The following PHIP variants were observed in gnomAD, a reference collection of about 807,000 sequenced individuals.
The protein encoded by PHIP is PHIP subunit of CUL4-Ring ligase complex.
A neutral mutation model predicts 236.8 loss-of-function variants in PHIP; 54 were observed. That is an observed-to-expected ratio of 0.23 (90% CI 0.18 to 0.29). The LOEUF (loss-of-function observed/expected upper bound fraction) is 0.29. Among genes scored for constraint, PHIP ranks in the 10% least tolerant of loss-of-function variants. The pLI is 1.00. For synonymous variants in PHIP, 756 were observed against 718.9 expected (o/e 1.05, Z -0.83); for missense variants, 1,370 against 2,190.8 (o/e 0.63, Z 7.48).
At chr6:78,952,720 T>C (rs887185122) in intron 35 of PHIP, among the ~76,000 whole-genome samples, 2 of 152,166 alleles carry the variant, frequency 1.3e-5, no homozygotes, top group African/African-American at 4.8e-5. Flanking sequence ...TACATTTCAT[T>C]TCCAGGATTC....
At chr6:78,947,812 C>A in intron 35 of PHIP, 37 bp from the exon 36 acceptor site, 1 of 1,454,214 alleles carries the variant, frequency 6.9e-7, no homozygotes. Flanking sequence ...ATGATTATTA[C>A]TACACAAAGC....
At chr6:79,031,418 T>C (rs2127752194) in intron 7 of PHIP, among the ~76,000 whole-genome samples, 1 of 152,308 alleles carries the variant, frequency 6.6e-6, no homozygotes, top group Middle Eastern at 3.4e-3. Flanking sequence ...AGGGTTTCTT[T>C]TTAAGTCAAG....
intron 6 of PHIP, among the ~76,000 whole-genome samples, chr6:79,048,197 G>A (rs1772598979): frequency 6.6e-6 from 1 of 151,752 alleles, no homozygotes; most frequent in Admixed American, 6.6e-5. Flanking sequence ...AATTTTGTTG[G>A]AAATGTAAAT....
At chr6:79,051,362 G>C (rs1390327455) in intron 6 of PHIP, among the ~76,000 whole-genome samples, 4 of 152,108 alleles carry the variant, frequency 2.6e-5, no homozygotes, top group Non-Finnish European at 4.4e-5. Context: ...AGATAATCTT[G>C]TAGTCACCTT....
chr6:78,961,390 T>C (rs1177472459), intron 31 of PHIP, among the ~76,000 whole-genome samples: 2 of 152,028 alleles, frequency 1.3e-5, no homozygotes, highest in East Asian at 1.9e-4. Context: ...TAAAATACAA[T>C]ATAAAGACAG....
intron 34 of PHIP, 111 bp downstream of exon 34, chr6:78,955,121 A>G (rs1766329551): frequency 2.0e-5 from 18 of 885,016 alleles, no homozygotes; most frequent in Non-Finnish European, 3.0e-5. Context: ...AATTGAAACT[A>G]ATTTGAAATA....
At chr6:78,967,871 A>G (rs1254342465) in intron 27 of PHIP, among the ~76,000 whole-genome samples, 2 of 152,138 alleles carry the variant, frequency 1.3e-5, no homozygotes, top group African/African-American at 2.4e-5. Context: ...GCGGTGGCTC[A>G]TGCCTGTAAT....
chr6:78,954,987 A>G (rs1331462893), intron 34 of PHIP, 24 bp from the exon 35 acceptor site: 5 of 1,496,350 alleles, frequency 3.3e-6, no homozygotes, highest in African/African-American at 1.4e-5. Flanking sequence ...GTTCAAATAT[A>G]TTAATAAAAG....
chr6:78,968,855 A>G (rs1390342106), intron 27 of PHIP, among the ~76,000 whole-genome samples: 2 of 151,224 alleles, frequency 1.3e-5, no homozygotes, highest in African/African-American at 4.9e-5. Flanking sequence ...CACAAAGACA[A>G]ACTTGTTAGA....
Position 78,936,719 on chromosome 6 carries a change from T to A in PHIP, c.*3974A>T, listed in dbSNP as rs527688166. 1 of 151,896 alleles carries A rather than the reference T, an allele frequency of 6.6e-6. No homozygotes were observed. Among genetic ancestry groups the A allele is most frequent in the South Asian group, 2.1e-4 (1 of 4,822 alleles). The allele number at this position is 151,896 out of a possible 1,614,324, so 9.4% of individuals were successfully genotyped here. ...TCTACTGCAGTGTGTACAAGGTTTATCTCTGGAGCGCCAAAAGTGGTACTT... is the reference window on the plus strand; with the variant it reads ...TCTACTGCAGTGTGTACAAGGTTTAACTCTGGAGCGCCAAAAGTGGTACTT... On this transcript the variant is annotated 3_prime_UTR_variant, in exon 40 of 40. Transcript: ENST00000275034.
chr6:79,015,517 C>T (rs546738180), intron 14 of PHIP, 113 bp downstream of exon 14: 2 of 797,134 alleles, frequency 2.5e-6, no homozygotes, highest in South Asian at 3.7e-5. Context: ...AAAGCCGTTA[C>T]CCCAGCAAGC....
At chr6:79,012,514 G>A (rs1055487153) in intron 15 of PHIP, among the ~76,000 whole-genome samples, 1 of 151,640 alleles carries the variant, frequency 6.6e-6, no homozygotes, top group Non-Finnish European at 1.5e-5. Context: ...CACTATATAT[G>A]ACTAGACCCT....
At chr6:79,034,364 G>A (rs1170333543) in intron 7 of PHIP, among the ~76,000 whole-genome samples, 3 of 152,078 alleles carry the variant, frequency 2.0e-5, no homozygotes, top group East Asian at 1.9e-4. Flanking sequence ...TCTTTATGAC[G>A]TGGCTTTCTA....
At chr6:78,970,014 C>T (rs1243868563) in intron 26 of PHIP, 35 bp downstream of exon 26, 2 of 1,608,826 alleles carry the variant, frequency 1.2e-6, no homozygotes, top group Non-Finnish European at 1.7e-6. Context: ...ATCTACAATA[C>T]TAAGAAAACC....
chr6:79,043,509 G>T (rs1477960282), intron 6 of PHIP, among the ~76,000 whole-genome samples: 1 of 152,030 alleles, frequency 6.6e-6, no homozygotes, highest in African/African-American at 2.4e-5. Flanking sequence ...TACGTCATTT[G>T]CATTATTAAA....
chr6:79,057,442 A>AG (rs1773129500), intron 6 of PHIP, among the ~76,000 whole-genome samples: 1 of 152,168 alleles, frequency 6.6e-6, no homozygotes. Context: ...AAACTGCATG[A>AG]GGGGTATACA....
At chr6:78,992,568 C>T (rs762545830) in intron 19 of PHIP, among the ~76,000 whole-genome samples, 5 of 151,970 alleles carry the variant, frequency 3.3e-5, no homozygotes, top group Non-Finnish European at 7.4e-5. Flanking sequence ...CTTCGTGTCT[C>T]TGTGTCACAT....
At chr6:79,055,383 T>C (rs1459184929) in intron 6 of PHIP, among the ~76,000 whole-genome samples, 1 of 152,162 alleles carries the variant, frequency 6.6e-6, no homozygotes, top group Non-Finnish European at 1.5e-5. Context: ...CTCATGCACA[T>C]TTATTACTGA....
At chr6:79,058,499 T>C (rs936541374) in intron 6 of PHIP, among the ~76,000 whole-genome samples, 2 of 152,236 alleles carry the variant, frequency 1.3e-5, no homozygotes, top group Admixed American at 1.3e-4. Flanking sequence ...GTGTTATTAT[T>C]AATAAATTCA....
Sources: allele counts gnomAD v4.1 joint callset (sites outside exome capture counted in the v4.1 genomes callset), GRCh38; gene constraint gnomAD v4.1.1; transcripts MANE v1.5; gene names NCBI Gene and HGNC (gene_info 2026-07-23, HGNC 2026-07-21).